Variants in SYNPR observed in about 807,000 individuals in gnomAD.
SYNPR encodes synaptoporin.
Under a neutral mutation model 32.9 loss-of-function variants are expected in SYNPR, and 23 were observed. The ratio of observed to expected loss-of-function variants is 0.70; its 90% CI spans 0.50 to 0.99. The LOEUF is 0.99. Among genes scored for constraint, SYNPR ranks in the 50% least tolerant of loss-of-function variants. The pLI is 0.00. For synonymous variants in SYNPR, 146 were observed against 135.9 expected (o/e 1.07, Z -0.52); for missense variants, 318 against 349.3 (o/e 0.91, Z 0.71).
At chr3:63,233,804 T>C (rs1450728481) in intron 1 of SYNPR, among the ~76,000 whole-genome samples, 4 of 152,194 alleles carry the variant, frequency 2.6e-5, no homozygotes, top group Non-Finnish European at 5.9e-5. Context: ...GCAATCCAAA[T>C]AAAACAGTAT....
At chr3:63,359,978 A>G (rs2107032644) in intron 2 of SYNPR, among the ~76,000 whole-genome samples, 1 of 152,300 alleles carries the variant, frequency 6.6e-6, no homozygotes, top group African/African-American at 2.4e-5. Context: ...GTTTATCAAG[A>G]GGCGATTTAT....
intron 2 of SYNPR, among the ~76,000 whole-genome samples, chr3:63,364,802 T>G (rs1235775564): frequency 1.3e-5 from 2 of 152,168 alleles, no homozygotes; most frequent in Admixed American, 6.5e-5. Context: ...GAGATTATGA[T>G]TCAGTAGGCA....
intron 2 of SYNPR, among the ~76,000 whole-genome samples, chr3:63,287,451 C>A (rs2086696029): frequency 1.3e-5 from 2 of 152,034 alleles, no homozygotes; most frequent in African/African-American, 4.8e-5. Context: ...CCAGACCACA[C>A]TTTTTAATGA....
intron 2 of SYNPR, among the ~76,000 whole-genome samples, chr3:63,327,068 A>C (rs1057375508): frequency 6.6e-6 from 1 of 152,084 alleles, no homozygotes; most frequent in African/African-American, 2.4e-5. Flanking sequence ...TAGTGACTAG[A>C]TATATATTAA....
At chr3:63,430,811 G>A (rs536158448) in intron 2 of SYNPR, among the ~76,000 whole-genome samples, 2 of 152,052 alleles carry the variant, frequency 1.3e-5, no homozygotes, top group East Asian at 1.9e-4. Flanking sequence ...CTACCTTGCA[G>A]TGCTGTTGGA....
intron 2 of SYNPR, among the ~76,000 whole-genome samples, chr3:63,419,313 A>G (rs2088578352): frequency 6.6e-6 from 1 of 152,100 alleles, no homozygotes; most frequent in Non-Finnish European, 1.5e-5. Flanking sequence ...ATCAAAACTG[A>G]ACTAGGACCA....
At chr3:63,361,353 C>T (rs1414511974) in intron 2 of SYNPR, among the ~76,000 whole-genome samples, 1 of 151,890 alleles carries the variant, frequency 6.6e-6, no homozygotes, top group Non-Finnish European at 1.5e-5. Context: ...TTTGGGAGGC[C>T]AAGGTGGGTG....
At chr3:63,458,770 A>G (rs1700529501) in intron 2 of SYNPR, among the ~76,000 whole-genome samples, 1 of 152,132 alleles carries the variant, frequency 6.6e-6, no homozygotes, top group South Asian at 2.1e-4. Flanking sequence ...CCTTACTGCC[A>G]GAGCACACTC....
intron 4 of SYNPR, among the ~76,000 whole-genome samples, chr3:63,572,898 G>A (rs1443964240): frequency 6.6e-6 from 1 of 152,006 alleles, no homozygotes. Context: ...ATGCCCTGAT[G>A]GGATTAAAGG....
At position 63,530,265 on chromosome 3, in the gene SYNPR, G is replaced by T. The variant is rs574479008; in HGVS notation, c.210-26278G>T. Reference sequence around the variant, plus strand: ...TTACGCAGCCTATTCTGCCTTTTTTGTAGGGTGAGGGGGCACACCTAACCT... The same window carrying T: ...TTACGCAGCCTATTCTGCCTTTTTTTTAGGGTGAGGGGGCACACCTAACCT... On this transcript the variant is annotated intron_variant, in intron 3 of 5. Transcript: ENST00000478300. 1.2e-3 allele frequency among the ~76,000 whole-genome samples: 190 copies of T among 152,198 alleles called. 1 individual carries two copies. Among genetic ancestry groups the T allele is most frequent in the African/African-American group, 4.5e-3 (185 of 41,542 alleles).
At chr3:63,557,698 TATA>T (rs1428149380) in intron 4 of SYNPR, among the ~76,000 whole-genome samples, 1 of 152,196 alleles carries the variant, frequency 6.6e-6, no homozygotes, top group Non-Finnish European at 1.5e-5. Flanking sequence ...ATGTGGGACA[TATA>T]ACTCAAAAAG....
Position 63,335,026 on chromosome 3 carries a change from G to C in SYNPR, c.84+56284G>C, listed in dbSNP as rs1184424806. Among the ~76,000 whole-genome samples, 5 of 152,174 alleles carry C rather than the reference G, an allele frequency of 3.3e-5. No individual in the cohort carries two copies. In the East Asian group the frequency reaches 9.6e-4, roughly 29 times the overall value. On this transcript the variant is annotated intron_variant, in intron 2 of 5. Coordinates refer to ENST00000478300, the MANE Select transcript of SYNPR (RefSeq NM_001130003.2). ...GTCCAGGGAGAGACAACTGTTAATAGGTTGATGCAAAAGTAATTGCGGTTT... is the reference window on the plus strand; with the variant it reads ...GTCCAGGGAGAGACAACTGTTAATACGTTGATGCAAAAGTAATTGCGGTTT...
chr3:63,303,900 G>C (rs1377245086), intron 2 of SYNPR, among the ~76,000 whole-genome samples: 1 of 151,940 alleles, frequency 6.6e-6, no homozygotes, highest in African/African-American at 2.4e-5. Flanking sequence ...GTTCTACCAA[G>C]ATAATGTAGT....
At chr3:63,263,397 C>T (rs552384704) in intron 2 of SYNPR, among the ~76,000 whole-genome samples, 1 of 152,166 alleles carries the variant, frequency 6.6e-6, no homozygotes, top group African/African-American at 2.4e-5. Flanking sequence ...TTACTGTGTA[C>T]TGGAATTGTG....
chr3:63,310,185 T>C (rs1329754254), intron 2 of SYNPR, among the ~76,000 whole-genome samples: 1 of 152,002 alleles, frequency 6.6e-6, no homozygotes, highest in Non-Finnish European at 1.5e-5. Context: ...GACAAAGTCA[T>C]TCTCATCTCT....
At chr3:63,270,475 T>C (rs1361569484) in intron 3 of SYNPR, among the ~76,000 whole-genome samples, 2 of 152,228 alleles carry the variant, frequency 1.3e-5, no homozygotes. Context: ...GGTGAACCAG[T>C]TCCCTAATAT....
intron 2 of SYNPR, among the ~76,000 whole-genome samples, chr3:63,314,899 T>G (rs561412920): frequency 3.3e-5 from 5 of 152,156 alleles, no homozygotes; most frequent in Middle Eastern, 3.4e-3. Flanking sequence ...CCAGCTTGAG[T>G]TGATTTTTTT....
chr3:63,272,042 C>T (rs1288900570), intron 3 of SYNPR, among the ~76,000 whole-genome samples: 2 of 152,094 alleles, frequency 1.3e-5, no homozygotes, highest in Non-Finnish European at 2.9e-5. Flanking sequence ...TAAATGACTT[C>T]TTAAAAGTAT....
intron 2 of SYNPR, among the ~76,000 whole-genome samples, chr3:63,262,883 A>G (rs924573082): frequency 1.3e-5 from 2 of 152,246 alleles, no homozygotes; most frequent in Non-Finnish European, 2.9e-5. Context: ...GACCCAAGGC[A>G]GGTTTGACTG....
Sources: allele counts gnomAD v4.1 joint callset (sites outside exome capture counted in the v4.1 genomes callset), GRCh38; gene constraint gnomAD v4.1.1; transcripts MANE v1.5; gene names NCBI Gene and HGNC (gene_info 2026-07-23, HGNC 2026-07-21).